NALCN: variants seen among roughly 807,000 people sequenced by gnomAD.
NALCN encodes the protein sodium leak channel, non-selective, also known as sodium leak channel NALCN.
In NALCN, 111 loss-of-function variants were observed where a neutral mutation model predicts 225.3. The ratio of observed to expected loss-of-function variants is 0.49; its 90% CI spans 0.42 to 0.58. The LOEUF (loss-of-function observed/expected upper bound fraction) is 0.58, where lower values mean the gene tolerates loss of function less well. NALCN is among the 20% of genes least tolerant of loss of function. The pLI, the probability that NALCN is intolerant of heterozygous loss-of-function variation, is 0.00. For synonymous variants in NALCN, 764 were observed against 769.0 expected (o/e 0.99, Z 0.11); for missense variants, 1,378 against 2,202.4 (o/e 0.63, Z 7.49).
At chr13:101,168,244 C>A (rs188100314) in intron 15 of NALCN, among the ~76,000 whole-genome samples, 1 of 152,242 alleles carries the variant, frequency 6.6e-6, no homozygotes, top group Non-Finnish European at 1.5e-5. Flanking sequence ...AGTTCCTGCT[C>A]TCTAAAGGCT....
intron 9 of NALCN, among the ~76,000 whole-genome samples, chr13:101,285,094 C>T (rs1372029553): frequency 1.3e-5 from 2 of 152,108 alleles, no homozygotes; most frequent in African/African-American, 4.8e-5. Context: ...GTTAGTCTGA[C>T]CCTGTATTCG....
intron 7 of NALCN, among the ~76,000 whole-genome samples, chr13:101,304,881 G>C (rs566888997): frequency 1.4e-5 from 2 of 147,144 alleles, no homozygotes; most frequent in Non-Finnish European, 3.0e-5. Flanking sequence ...TCAGCCTCCC[G>C]AGTAGCTGCG....
In NALCN at chr13:101,199,713, G is replaced by A. The variant is rs564419882; in HGVS notation, c.1627-7659C>T. 2.0e-5 allele frequency among the ~76,000 whole-genome samples: 3 copies of A among 151,678 alleles called. No homozygotes were observed. The South Asian group carries it at 6.3e-4, about 32-fold the overall frequency. On this transcript the variant is annotated intron_variant, in intron 13 of 43. Coordinates refer to ENST00000251127, the MANE Select transcript of NALCN (RefSeq NM_052867.4). ...TAGCTAATGTAAATGACGAGTTAAT[G>A]GGTGCAGCACACTAACATGGCACAT...
chr13:101,202,419 C>T (rs191138688), intron 13 of NALCN, among the ~76,000 whole-genome samples: 1 of 152,238 alleles, frequency 6.6e-6, no homozygotes, highest in Admixed American at 6.5e-5. Context: ...TACCTAAATA[C>T]ACATAGTGTG....
At chr13:101,079,636 ACTAT>A (rs1254493040) in intron 34 of NALCN, among the ~76,000 whole-genome samples, 20 of 152,302 alleles carry the variant, frequency 1.3e-4, no homozygotes, top group Admixed American at 3.3e-4. Context: ...GCAATTGATG[ACTAT>A]CTATCTACTT....
chr13:101,236,149 A>G (rs1285386093), intron 12 of NALCN, among the ~76,000 whole-genome samples: 2 of 152,204 alleles, frequency 1.3e-5, no homozygotes, highest in South Asian at 2.1e-4. Flanking sequence ...GCAGCCAAAA[A>G]ACACATGGAA....
At chr13:101,171,808 G>A (rs1425343206) in intron 15 of NALCN, among the ~76,000 whole-genome samples, 1 of 152,056 alleles carries the variant, frequency 6.6e-6, no homozygotes, top group Non-Finnish European at 1.5e-5. Flanking sequence ...TTTCTCCTCT[G>A]GATTCTAAAA....
chr13:101,298,292 T>G (rs538094723), intron 7 of NALCN, among the ~76,000 whole-genome samples: 2 of 151,950 alleles, frequency 1.3e-5, no homozygotes, highest in Non-Finnish European at 2.9e-5. Context: ...TGTCTTTTTA[T>G]GTTTACATAT....
At chr13:101,290,211 T>C (rs956205133) in intron 9 of NALCN, among the ~76,000 whole-genome samples, 2 of 152,226 alleles carry the variant, frequency 1.3e-5, no homozygotes, top group African/African-American at 4.8e-5. Flanking sequence ...AACCATTGCC[T>C]GACTTGGTGG....
At chr13:101,181,507 G>A (rs2039221940) in intron 14 of NALCN, among the ~76,000 whole-genome samples, 1 of 151,728 alleles carries the variant, frequency 6.6e-6, no homozygotes, top group South Asian at 2.1e-4. Context: ...AGCAGTTTGG[G>A]AAGCTGAGGC....
intron 10 of NALCN, among the ~76,000 whole-genome samples, chr13:101,262,374 A>G (rs1468745562): frequency 6.6e-6 from 1 of 152,294 alleles, no homozygotes; most frequent in South Asian, 2.1e-4. Flanking sequence ...TGTGGGGTAG[A>G]GAATACTTAA....
At chr13:101,407,129 T>C (rs2047647697) in intron 1 of NALCN, among the ~76,000 whole-genome samples, 2 of 152,222 alleles carry the variant, frequency 1.3e-5, no homozygotes, top group South Asian at 4.1e-4. Flanking sequence ...TGTTATGATT[T>C]GTTTTGTAGT....
At position 101,089,511 on chromosome 13, in the gene NALCN, G is replaced by A. The variant is rs1330815405; in HGVS notation, c.3489+152C>T. 7.7e-6 allele frequency: 5 copies of A among 649,364 alleles called. No homozygotes were observed. In the East Asian group the frequency reaches 1.4e-4, roughly 18 times the overall value. 40.2% of individuals were successfully genotyped at this position (649,364 alleles called of 1,614,324 possible). A position where few individuals can be genotyped will look rare whatever the true frequency, so the allele number is the denominator to read the frequency against. ...AATAATGTGTCTGAAAAGCAGCAAT[G>A]AGGGAGCTTGTAAAACAGTTATAGA... On this transcript the variant is annotated intron_variant, in intron 30 of 43. Coordinates refer to ENST00000251127, the MANE Select transcript of NALCN (RefSeq NM_052867.4). The surrounding 1 kb of genome is among the most constrained non-coding windows in gnomAD (Gnocchi z 4.7).
At chr13:101,238,411 T>C (rs2041642002) in intron 11 of NALCN, among the ~76,000 whole-genome samples, 1 of 151,892 alleles carries the variant, frequency 6.6e-6, no homozygotes, top group South Asian at 2.1e-4. Context: ...AATTGAGATT[T>C]CATACCAAGC....
At chr13:101,182,730 C>G (rs1209087295) in intron 14 of NALCN, among the ~76,000 whole-genome samples, 1 of 152,108 alleles carries the variant, frequency 6.6e-6, no homozygotes, top group Non-Finnish European at 1.5e-5. Flanking sequence ...TGAGAGATGA[C>G]TGAAGTCTGA....
intron 10 of NALCN, among the ~76,000 whole-genome samples, chr13:101,268,981 C>A (rs571244123): frequency 1.3e-3 from 192 of 152,244 alleles, no homozygotes; most frequent in Non-Finnish European, 1.7e-3. Flanking sequence ...AAAAACCTTT[C>A]AATTAACTAA....
intron 10 of NALCN, among the ~76,000 whole-genome samples, chr13:101,260,156 T>C (rs1415720889): frequency 6.6e-6 from 1 of 152,180 alleles, no homozygotes; most frequent in East Asian, 1.9e-4. Context: ...CTTATTTCGC[T>C]TAACATAATG....
intron 11 of NALCN, among the ~76,000 whole-genome samples, chr13:101,248,261 T>C (rs1032977320): frequency 1.3e-5 from 2 of 152,088 alleles, no homozygotes; most frequent in Non-Finnish European, 2.9e-5. Flanking sequence ...AGGAGAAATT[T>C]AAAAAACAAA....
chr13:101,198,831 C>T (rs1216744366), intron 13 of NALCN, among the ~76,000 whole-genome samples: 1 of 152,194 alleles, frequency 6.6e-6, no homozygotes, highest in Non-Finnish European at 1.5e-5. Context: ...GCTATAAAGA[C>T]ACATGCATAT....
Sources: gnomAD v4.1 joint callset for allele counts (sites outside exome capture counted in the v4.1 genomes callset) on GRCh38, gnomAD v4.1.1 for gene constraint, Gnocchi (gnomAD v3.1) non-coding constraint, MANE v1.5 for transcripts, NCBI Gene and HGNC (gene_info 2026-07-23, HGNC 2026-07-21) for gene names.